The following ASPM variants were observed in gnomAD, a reference collection of about 807,000 sequenced individuals.
The protein encoded by ASPM is abnormal spindle-like microcephaly-associated protein.
A neutral mutation model predicts 366.4 loss-of-function variants in ASPM; 256 were observed. The observed-to-expected ratio is 0.70, with a 90% CI of 0.63 to 0.77. ASPM has a LOEUF of 0.77. Among genes scored for constraint, ASPM ranks in the 30% least tolerant of loss-of-function variants. ASPM has a pLI of 0.00. For synonymous variants in ASPM, 1,414 were observed against 1,342.9 expected (o/e 1.05, Z -1.16); for missense variants, 4,146 against 4,090.4 (o/e 1.01, Z -0.37).
intron 16 of ASPM, 136 bp from the exon 17 acceptor site, chr1:197,118,119 T>A (rs1657797451): frequency 1.2e-6 from 1 of 831,010 alleles, no homozygotes; most frequent in Non-Finnish European, 1.9e-6. Flanking sequence ...CTTGTGTTCA[T>A]CTTTGGAATA....
Position 197,143,373 on chromosome 1 carries a change from A to C in ASPM, c.879T>G (p.Asn293Lys). The C allele has an allele frequency of 1.2e-6, 2 of 1,613,598 alleles. No individual in the cohort carries two copies. The highest frequency in any genetic ancestry group is 1.7e-6 in the Non-Finnish European group (2 of 1,179,468). The change falls in exon 3 of 28, where the codon AAT (asparagine) becomes AAG (lysine). Residue 293 changes from asparagine to lysine, a missense_variant. Physicochemically the swap from Asn to Lys is moderately conservative, Grantham distance 94. Around this residue, in one of 3 missense-constraint regions of ASPM, gnomAD observed 512 missense variants for 471.7 expected, o/e 1.09. Coordinates refer to ENST00000367409, the MANE Select transcript of ASPM (RefSeq NM_018136.5). ...SVNVNGQRGE[N>K]SKLSLTPNCS... is the part of the protein sequence containing the mutation. ...AGTTGGGGGTAAGACTAAGTTTACT[A>C]TTCTCTCCTCTTTGGCCATTAACAT...
At chr1:197,096,212 T>C (rs1413485879) in intron 18 of ASPM, 48 bp from the exon 19 acceptor site, 2 of 1,476,324 alleles carry the variant, frequency 1.4e-6, no homozygotes, top group Non-Finnish European at 1.9e-6. Context: ...TGTCTCTTTT[T>C]TTTTGTAAAT....
At chr1:197,123,301 G>C (rs1171859257) in intron 13 of ASPM, among the ~76,000 whole-genome samples, 1 of 152,120 alleles carries the variant, frequency 6.6e-6, no homozygotes, top group Non-Finnish European at 1.5e-5. Context: ...CAGTATAAGA[G>C]CTGAAACAAA....
Position 197,102,089 on chromosome 1 carries a change from CAG to C in ASPM, c.7160_7161del (p.Ser2387CysfsTer14), listed in dbSNP as rs587783265. ...QRQHYLRQRH[S>X]AVILQAAFRG... Reference sequence around the variant, plus strand: ...CTGAATGCAGCCTGAAGGATCACAGCAGAGTGTCTTTGTCTGAGATAATGCTG... The same window carrying C: ...CTGAATGCAGCCTGAAGGATCACAGCAGTGTCTTTGTCTGAGATAATGCTG... On this transcript the variant is annotated frameshift_variant, in exon 18 of 28. Coordinates refer to ENST00000367409, the MANE Select transcript of ASPM (RefSeq NM_018136.5). LOFTEE classifies it high-confidence loss of function. The C allele has an allele frequency of 3.7e-6, 6 of 1,612,978 alleles. No individual in the cohort carries two copies. Among genetic ancestry groups the C allele is most frequent in the Admixed American group, 1.7e-5 (1 of 59,862 alleles).
chr1:197,092,226 T>C (rs1044406264), intron 21 of ASPM, among the ~76,000 whole-genome samples, 170 bp from the exon 22 acceptor site: 2 of 151,884 alleles, frequency 1.3e-5, no homozygotes, highest in Non-Finnish European at 2.9e-5. Flanking sequence ...AATATTGTAC[T>C]ATACAATATT....
At position 197,135,259 on chromosome 1, in the gene ASPM, G is replaced by T. The variant is rs368979133; in HGVS notation, c.2027-17C>A. ...TGGGAATATCTAAGAATACAATTAGGTTACTGCATAACAAAATTTCCTTTA... is the reference window on the plus strand; with the variant it reads ...TGGGAATATCTAAGAATACAATTAGTTTACTGCATAACAAAATTTCCTTTA... On this transcript the variant is annotated splice_polypyrimidine_tract_variant and intron_variant, in intron 4 of 27. Coordinates refer to ENST00000367409, the MANE Select transcript of ASPM (RefSeq NM_018136.5). 8 of 1,613,214 alleles carry T rather than the reference G, an allele frequency of 5.0e-6. No homozygotes were observed. The highest frequency in any genetic ancestry group is 2.2e-5 in the East Asian group (1 of 44,822).
intron 17 of ASPM, among the ~76,000 whole-genome samples, chr1:197,115,338 T>G (rs1275519511): frequency 1.3e-5 from 2 of 152,182 alleles, no homozygotes; most frequent in Admixed American, 6.6e-5. Context: ...ACATCTGCAG[T>G]TACTTCCTCC....
chr1:197,116,557 A>C (rs1034349401), intron 17 of ASPM, among the ~76,000 whole-genome samples: 2 of 152,140 alleles, frequency 1.3e-5, no homozygotes, highest in Admixed American at 1.3e-4. Flanking sequence ...GCAAAGAGCA[A>C]TAAAACGAGG....
chr1:197,129,253 A>G lies in ASPM; in HGVS notation c.2694T>C (p.Asp898=), dbSNP rs954924634. Residue 898 remains aspartate, a synonymous_variant, in exon 9 of 28, where the codon GAT becomes GAC. Coordinates refer to ENST00000367409, the MANE Select transcript of ASPM (RefSeq NM_018136.5). ...CAATGAGTCTGGAAATTTTAGCATA[A>G]TCAAGAAAACAGACCAACAACAATA... ...KKLLLLVCFL[D]YAKISRLIDH... The G allele has an allele frequency of 6.2e-7, 1 of 1,612,764 alleles. No homozygotes were observed. Among genetic ancestry groups the G allele is most frequent in the Admixed American group, 1.7e-5 (1 of 60,024 alleles).
At chr1:197,088,090 C>T in intron 26 of ASPM, 166 bp downstream of exon 26, 1 of 650,480 alleles carries the variant, frequency 1.5e-6, no homozygotes, top group Non-Finnish European at 2.6e-6. Flanking sequence ...CAGAAAGAAA[C>T]AACTCATAGA....
At chr1:197,129,130 C>T in intron 9 of ASPM, 57 bp downstream of exon 9, 1 of 1,570,956 alleles carries the variant, frequency 6.4e-7, no homozygotes, top group East Asian at 2.3e-5. Context: ...ACCATGAAAG[C>T]AAGCAAAAGT....
intron 7 of ASPM, among the ~76,000 whole-genome samples, chr1:197,131,176 C>A (rs1299630051): frequency 6.6e-6 from 1 of 152,122 alleles, no homozygotes; most frequent in Non-Finnish European, 1.5e-5. Context: ...CTCTGGGCCT[C>A]AATTTATTGG....
rs1658051393 is a variant in ASPM at position 197,125,133 on chromosome 1, C to T, written c.2995G>A (p.Ala999Thr). 1.9e-6 allele frequency: 3 copies of T among 1,613,832 alleles called. No homozygotes were observed. In the Admixed American group the frequency reaches 5.0e-5, roughly 27 times the overall value. The change falls in exon 11 of 28, where the codon GCA (alanine) becomes ACA (threonine). Residue 999 changes from alanine (A) to threonine (T), a missense_variant. Physicochemically the swap from Ala to Thr is moderately conservative, Grantham distance 58 (BLOSUM62 0). Transcript: ENST00000367409. ...TGCATCTTTTGAAGACGACTTATTG[C>T]CGGAATCCTGAGTTTCTTTGAGAGG... The part of the protein sequence containing the change: ...WDLSKKLRIP[A>T]ISRLQKMHNV...
chr1:197,110,477 A>C (rs957631047), intron 17 of ASPM, among the ~76,000 whole-genome samples: 17 of 152,146 alleles, frequency 1.1e-4, no homozygotes, highest in African/African-American at 4.1e-4. Flanking sequence ...GAGTACTTTG[A>C]TATGACGCTA....
Position 197,129,272 on chromosome 1 carries a change from A to G in ASPM, c.2675T>C (p.Leu892Ser), listed in dbSNP as rs1658188339. 2.0e-5 allele frequency: 33 copies of G among 1,612,990 alleles called. No homozygotes were observed. Among genetic ancestry groups the G allele is most frequent in the Non-Finnish European group, 2.3e-5 (27 of 1,179,138 alleles). Reference protein sequence around the residue: ...LSKFTLKKLLLLVCFLDYAKI... With the variant: ...LSKFTLKKLLSLVCFLDYAKI... ...AGCATAATCAAGAAAACAGACCAAC[A>G]ACAATAACTTTTTCAATGTAAACTT... The change falls in exon 9 of 28, where the codon TTG (leucine) becomes TCG (serine). Residue 892 changes from leucine to serine, a missense_variant. Leu to Ser is a moderately radical substitution (Grantham distance 145). Coordinates refer to ENST00000367409, the MANE Select transcript of ASPM (RefSeq NM_018136.5).
chr1:197,125,359 T>C (rs1432854076), intron 10 of ASPM, among the ~76,000 whole-genome samples, 168 bp from the exon 11 acceptor site: 3 of 152,178 alleles, frequency 2.0e-5, no homozygotes, highest in African/African-American at 7.2e-5. Context: ...AGTCGGCAAG[T>C]AGAGTTCTTA....
chr1:197,088,157 C>T, intron 26 of ASPM, 99 bp downstream of exon 26: 2 of 1,334,698 alleles, frequency 1.5e-6, no homozygotes, highest in Non-Finnish European at 2.1e-6. Context: ...ACATAAAACC[C>T]TATTTTAGAG....
Position 197,091,919 on chromosome 1 carries a change from G to T in ASPM, c.9432C>A (p.Val3144=). The change falls in exon 22 of 28, where the codon GTC becomes GTA. Residue 3144 remains valine, a synonymous_variant. Coordinates refer to ENST00000367409, the MANE Select transcript of ASPM (RefSeq NM_018136.5). ...AGAAGAAGCAAACCTGAATACAGAT[G>T]ACTGAATTAACCTGCTTGTTAGCAT... ...VKNANKQVNS[V]ICIQRWFRAR... The T allele has an allele frequency of 1.2e-6, 2 of 1,610,166 alleles. No homozygotes were observed. The highest frequency in any genetic ancestry group is 2.2e-5 in the South Asian group (2 of 90,896).
chr1:197,096,274 A>G (rs1462117559), intron 18 of ASPM, 110 bp from the exon 19 acceptor site: 1 of 937,734 alleles, frequency 1.1e-6, no homozygotes, highest in Non-Finnish European at 1.7e-6. Flanking sequence ...AGACAAAAAT[A>G]AATTGCATAG....
Sources: gnomAD v4.1 joint callset for allele counts (sites outside exome capture counted in the v4.1 genomes callset) on GRCh38, gnomAD v4.1.1 for gene constraint, gnomAD v4.1.1 regional missense constraint, MANE v1.5 for transcripts, NCBI Gene and HGNC (gene_info 2026-07-23, HGNC 2026-07-21) for gene names.